NOC3L: variants seen among roughly 807,000 people sequenced by gnomAD.
NOC3L encodes the protein NOC3 like DNA replication regulator.
Under a neutral mutation model 102.5 loss-of-function variants are expected in NOC3L, and 85 were observed. The ratio of observed to expected loss-of-function variants is 0.83; its 90% CI spans 0.70 to 0.99. NOC3L has a LOEUF of 0.99. Among genes scored for constraint, NOC3L ranks in the 50% least tolerant of loss-of-function variants. NOC3L has a pLI of 0.00. For missense variants in NOC3L, 878 were observed against 914.9 expected (o/e 0.96, Z 0.52); for synonymous variants, 303 against 309.4 (o/e 0.98, Z 0.22).
the NOC3L span, among the ~76,000 whole-genome samples, chr10:94,319,315 T>C: frequency 9.7e-4 from 147 of 152,276 alleles, no homozygotes; most frequent in South Asian, 0.011. Context: ...CAAATAATAA[T>C]TGCTGATTGA....
At chr10:94,338,023 C>T in intron 18 of NOC3L, 149 bp from the exon 19 acceptor site, 1 of 447,120 alleles carries the variant, frequency 2.2e-6, no homozygotes, top group Non-Finnish European at 3.9e-6. Context: ...AAGCACATAC[C>T]CACAGAAAGA....
downstream of NOC3L, chr10:94,331,792 T>A (rs1180155887): frequency 6.6e-6 from 1 of 152,040 alleles, no homozygotes; most frequent in African/African-American, 2.4e-5. Flanking sequence ...GGCTGATGGC[T>A]ATGGATTCTG....
rs746787382 is a variant in NOC3L, at chr10:94,362,886, G to T, written c.-48C>A. The T allele has an allele frequency of 6.2e-7, 1 of 1,613,826 alleles. No homozygotes were observed. Among genetic ancestry groups the T allele is most frequent in the Admixed American group, 1.7e-5 (1 of 60,016 alleles). ...GGCCAGACAAGTTCACCAGAAGCAG[G>T]GTTACTACAGAAATCCCGGGGAATG... On this transcript the variant is annotated 5_prime_UTR_variant, in exon 1 of 21. Transcript: ENST00000371361.
At chr10:94,325,877 A>T in the NOC3L span, among the ~76,000 whole-genome samples, 1 of 152,188 alleles carries the variant, frequency 6.6e-6, no homozygotes, top group Non-Finnish European at 1.5e-5. Flanking sequence ...CAACAACCTC[A>T]TCTCCTTCTG....
chr10:94,324,759 A>G, the NOC3L span: 1 of 1,012,186 alleles, frequency 9.9e-7, no homozygotes, highest in Non-Finnish European at 1.5e-6. Context: ...AAGCAGTCCT[A>G]GAGGGGAGCT....
In NOC3L at chr10:94,352,936, TATG is replaced by T; in HGVS notation, c.815_817del (p.Ser272del). The T allele has an allele frequency of 6.2e-7, 1 of 1,613,884 alleles. No homozygotes were observed. The highest frequency in any genetic ancestry group is 1.1e-5 in the South Asian group (1 of 91,038). ...TGCTTCTGTGAGGGGCCGGATTTTA[TATG>T]AAGGAGTAATATCTTTAAATAACTC... is the stretch of plus-strand genomic sequence containing the variant. On this transcript the variant is annotated inframe_deletion, in exon 7 of 21. Coordinates refer to ENST00000371361, the MANE Select transcript of NOC3L (RefSeq NM_022451.11).
In NOC3L at chr10:94,340,515, G is replaced by T. The variant is rs768266309; in HGVS notation, c.1645-19C>A. ...TTAGGTCCTTTAAAAAAAAAAGGGG[G>T]GGGTGAGGGGGATGGAATATTAAGA... is the stretch of plus-strand genomic sequence containing the variant. On this transcript the variant is annotated intron_variant, in intron 14 of 20. Transcript: ENST00000371361. 8.6e-6 allele frequency: 11 copies of T among 1,276,258 alleles called. No homozygotes were observed. In the African/African-American group the frequency reaches 1.2e-4, roughly 14 times the overall value. 79.1% of individuals were successfully genotyped at this position (1,276,258 alleles called of 1,614,324 possible). A position where few individuals can be genotyped will look rare whatever the true frequency, so the allele number is the denominator to read the frequency against.
intron 4 of NOC3L, 85 bp downstream of exon 4, chr10:94,357,089 T>G (rs2054495208): frequency 4.6e-6 from 5 of 1,075,486 alleles, no homozygotes; most frequent in Admixed American, 2.8e-5. Context: ...AAAATCAAAG[T>G]AAAATTAAAT....
At chr10:94,352,484 G>A in intron 7 of NOC3L, 81 bp from the exon 8 acceptor site, 1 of 875,096 alleles carries the variant, frequency 1.1e-6, no homozygotes, top group Non-Finnish European at 1.9e-6. Flanking sequence ...TGTGTGTCTA[G>A]TATACACCCA....
rs144365022 is a variant in NOC3L, at chr10:94,337,797, G to T, written c.2169C>A (p.Leu723=). Residue 723 remains leucine, a synonymous_variant, in exon 19 of 21, where the codon CTC becomes CTA. Coordinates refer to ENST00000371361, the MANE Select transcript of NOC3L (RefSeq NM_022451.11). ...ATTACCTTCGACTCAACTCTGGTTT[G>T]AGTGCTCCAGAGCCTTCAGAAGGTG... ...AGAPSEGSGA[L]KPELSRRSAT... The T allele has an allele frequency of 1.0e-4, 169 of 1,613,118 alleles. No homozygotes were observed. Among genetic ancestry groups the T allele is most frequent in the Non-Finnish European group, 1.3e-4 (153 of 1,179,282 alleles).
chr10:94,315,491 T>C, the NOC3L span: 5 of 455,826 alleles, frequency 1.1e-5, no homozygotes, highest in African/African-American at 6.0e-5. Context: ...AGAAAATACA[T>C]TGGTAAAACT....
chr10:94,316,256 A>C, the NOC3L span, among the ~76,000 whole-genome samples: 1 of 152,230 alleles, frequency 6.6e-6, no homozygotes, highest in South Asian at 2.1e-4. Flanking sequence ...GGCTAAGTTC[A>C]TGGAATGAGA....
rs535019853 is a variant in NOC3L at position 94,361,702 on chromosome 10, T to C, written c.180A>G (p.Lys60=). The C allele has an allele frequency of 6.2e-7, 1 of 1,604,970 alleles. No individual in the cohort carries two copies. Among genetic ancestry groups the C allele is most frequent in the South Asian group, 1.1e-5 (1 of 90,946 alleles). The change falls in exon 2 of 21, where the codon AAA becomes AAG. Residue 60 remains lysine, a synonymous_variant. Coordinates refer to ENST00000371361, the MANE Select transcript of NOC3L (RefSeq NM_022451.11). ...CCTTTGGGTTCTCCAATGGAATGGGTTTCTTAGACACAGCATCTTTCACAG... is the reference window on the plus strand; with the variant it reads ...CCTTTGGGTTCTCCAATGGAATGGGCTTCTTAGACACAGCATCTTTCACAG... The part of the protein sequence containing the change: ...RQAVKDAVSK[K]PIPLENPKEK...
At chr10:94,315,586 T>C in the NOC3L span, 1 of 443,868 alleles carries the variant, frequency 2.3e-6, no homozygotes, top group Admixed American at 2.4e-5. Context: ...CTGGCCAACA[T>C]GGTGAAACCC....
chr10:94,316,585 A>T, the NOC3L span: 1 of 1,609,492 alleles, frequency 6.2e-7, no homozygotes, highest in Non-Finnish European at 8.5e-7. Flanking sequence ...CTGTTACCAC[A>T]GACTATTTTT....
At chr10:94,353,298 A>G (rs2054444634) in intron 6 of NOC3L, among the ~76,000 whole-genome samples, 1 of 152,250 alleles carries the variant, frequency 6.6e-6, no homozygotes, top group Non-Finnish European at 1.5e-5. Flanking sequence ...TGGATAATTT[A>G]TAAAGAAAAG....
chr10:94,331,685 A>G (rs2054157297), downstream of NOC3L: 1 of 152,180 alleles, frequency 6.6e-6, no homozygotes, highest in African/African-American at 2.4e-5. Flanking sequence ...TCTCTTATAC[A>G]GAGTCTAGAC....
chr10:94,337,822 GC>G lies in NOC3L; in HGVS notation c.2143del (p.Ala715HisfsTer13). ...QRFAAHLIAGAPSEGSGALKP... is the reference protein window; with the variant it reads ...QRFAAHLIAGXPSEGSGALKP... ...GAGTGCTCCAGAGCCTTCAGAAGGT[GC>G]TCCAGCGATCAGGTGGGCTGCAAAT... On this transcript the variant is annotated frameshift_variant, in exon 19 of 21. Coordinates refer to ENST00000371361, the MANE Select transcript of NOC3L (RefSeq NM_022451.11). LOFTEE classifies it high-confidence loss of function. The G allele has an allele frequency of 6.2e-7, 1 of 1,614,028 alleles. No individual in the cohort carries two copies. The highest frequency in any genetic ancestry group is 2.2e-5 in the East Asian group (1 of 44,880).
chr10:94,352,389 G>A lies in NOC3L; in HGVS notation c.873C>T (p.Thr291=), dbSNP rs780545350. 6.2e-7 allele frequency: 1 copy of A among 1,612,762 alleles called. No homozygotes were observed. The highest frequency in any genetic ancestry group is 8.5e-7 in the Non-Finnish European group (1 of 1,179,426). The change falls in exon 8 of 21, where the codon ACC becomes ACT. Residue 291 remains threonine (T), a synonymous_variant. Transcript: ENST00000371361. ...AEKSTKTRKE[T]QKLREFEEGL... ...CTTCTTCAAATTCTCTTAACTTCTG[G>A]GTTTCTTTTCGGGTCTGAAAAGACC...
Sources: gnomAD v4.1 joint callset for allele counts (sites outside exome capture counted in the v4.1 genomes callset) on GRCh38, gnomAD v4.1.1 for gene constraint, MANE v1.5 for transcripts, NCBI Gene and HGNC (gene_info 2026-07-23, HGNC 2026-07-21) for gene names.